The following CACNA1E variants were observed in gnomAD, a reference collection of about 807,000 sequenced individuals.
CACNA1E encodes calcium voltage-gated channel subunit alpha1 E.
CACNA1E carries 40 observed loss-of-function variants against 259.2 expected under a neutral mutation model. The ratio of observed to expected loss-of-function variants is 0.15; its 90% CI spans 0.12 to 0.20. The LOEUF is 0.20. Ranked by LOEUF, CACNA1E falls within the 10% of genes least tolerant of loss-of-function variation. The pLI is 1.00. For missense variants in CACNA1E, 1,874 were observed against 3,040.1 expected, an observed-to-expected ratio of 0.62 and a Z score of 9.02; for synonymous variants, 1,104 against 1,138.5, an observed-to-expected ratio of 0.97 and a Z score of 0.61.
At chr1:181,444,479 T>C (rs1220250785) in intron 2 of CACNA1E, among the ~76,000 whole-genome samples, 1 of 151,916 alleles carries the variant, frequency 6.6e-6, no homozygotes. Context: ...TTACAGGACT[T>C]GGTGATTATC....
At chr1:181,408,859 C>G (rs1333713672) in intron 1 of CACNA1E, among the ~76,000 whole-genome samples, 1 of 152,182 alleles carries the variant, frequency 6.6e-6, no homozygotes, top group Non-Finnish European at 1.5e-5. Context: ...AATTTCGAAG[C>G]AGGCCCTCTT....
intron 37 of CACNA1E, among the ~76,000 whole-genome samples, chr1:181,775,696 C>T (rs746540616): frequency 4.6e-5 from 7 of 152,136 alleles, no homozygotes; most frequent in East Asian, 1.9e-4. Context: ...TGTTTCATGA[C>T]GTGGAATTAC....
upstream of CACNA1E, among the ~76,000 whole-genome samples, chr1:181,478,639 C>CGG (rs1558035192): frequency 1.3e-5 from 2 of 151,978 alleles, no homozygotes; most frequent in African/African-American, 2.4e-5. Context: ...GTGTAACTGG[C>CGG]AGGGTGGGGG....
Position 181,724,964 on chromosome 1 carries a change from A to G in CACNA1E, c.2142+427A>G, listed in dbSNP as rs550887541. ...TCAGGGCCATCACAGTTCCTGGGCT[A>G]TGGCTGTTGGGATATTCCAGTAGGC... On this transcript the variant is annotated intron_variant, in intron 17 of 47. Coordinates refer to ENST00000367573, the MANE Select transcript of CACNA1E (RefSeq NM_001205293.3). Among the ~76,000 whole-genome samples, 8 of 152,342 alleles carry G rather than the reference A, an allele frequency of 5.3e-5. No individual in the cohort carries two copies. In the South Asian group the frequency reaches 1.7e-3, roughly 32 times the overall value.
intron 1 of CACNA1E, among the ~76,000 whole-genome samples, chr1:181,327,739 T>A (rs1650906704): frequency 6.6e-6 from 1 of 152,202 alleles, no homozygotes; most frequent in Non-Finnish European, 1.5e-5. Context: ...ACCAGCTGAG[T>A]CCCATGGCTT....
chr1:181,593,461 A>G (rs1652856059), intron 6 of CACNA1E, among the ~76,000 whole-genome samples: 1 of 152,360 alleles, frequency 6.6e-6, no homozygotes, highest in South Asian at 2.1e-4. Flanking sequence ...GCACTTTAAT[A>G]GTTCTTGCTA....
At chr1:181,531,804 C>T (rs939571701) in intron 3 of CACNA1E, among the ~76,000 whole-genome samples, 2 of 152,186 alleles carry the variant, frequency 1.3e-5, no homozygotes, top group African/African-American at 2.4e-5. Flanking sequence ...CCTGCAATCC[C>T]AGCACTTTGG....
intron 2 of CACNA1E, among the ~76,000 whole-genome samples, chr1:181,421,260 A>G (rs1658720259): frequency 1.3e-5 from 2 of 152,170 alleles, no homozygotes; most frequent in African/African-American, 4.8e-5. Flanking sequence ...GGGCTTGGGC[A>G]CTTTGTAACC....
At chr1:181,789,829 C>T (rs1661142255) in intron 43 of CACNA1E, among the ~76,000 whole-genome samples, 1 of 152,234 alleles carries the variant, frequency 6.6e-6, no homozygotes, top group African/African-American at 2.4e-5. Flanking sequence ...ATCCTCTTTT[C>T]TCACCACCAT....
intron 6 of CACNA1E, among the ~76,000 whole-genome samples, chr1:181,634,941 G>A (rs909229516): frequency 2.6e-5 from 4 of 152,044 alleles, no homozygotes; most frequent in Non-Finnish European, 4.4e-5. Flanking sequence ...CTCATAAGCC[G>A]ATCATTCTTT....
At chr1:181,448,816 C>T (rs893953245) in intron 2 of CACNA1E, among the ~76,000 whole-genome samples, 7 of 152,198 alleles carry the variant, frequency 4.6e-5, no homozygotes, top group South Asian at 2.1e-4. Flanking sequence ...GCATACCAGT[C>T]GGAAAGCTGG....
intron 6 of CACNA1E, 141 bp from the exon 7 acceptor site, chr1:181,651,197 C>G (rs1558228517): frequency 1.7e-6 from 1 of 593,026 alleles, no homozygotes; most frequent in East Asian, 2.9e-5. Context: ...CACGGTAATA[C>G]CAAATTGGGA....
Position 181,721,860 on chromosome 1 carries a change from A to T in CACNA1E, c.2059A>T (p.Thr687Ser). 6.2e-7 allele frequency: 1 copy of T among 1,609,380 alleles called. No individual in the cohort carries two copies. The highest frequency in any genetic ancestry group is 8.5e-7 in the Non-Finnish European group (1 of 1,175,748). Residue 687 changes from threonine (T) to serine (S), a missense_variant, in exon 16 of 48, where the codon ACC (threonine) becomes TCC (serine). Physicochemically the swap from Thr to Ser is moderately conservative, Grantham distance 58. Transcript: ENST00000367573. ...GTCTGCCATCTACTTCATTGTGCTC[A>T]CCTTGTTTGGCAACTGTATCCTTTT... ...MWSAIYFIVL[T>S]LFGNYTLLNV...
chr1:181,444,821 G>A (rs980573609), intron 2 of CACNA1E, among the ~76,000 whole-genome samples: 4 of 152,066 alleles, frequency 2.6e-5, no homozygotes, highest in Non-Finnish European at 4.4e-5. Flanking sequence ...CCAGCTCACC[G>A]CCATGATGAG....
At chr1:181,654,290 A>G (rs545035914) in intron 7 of CACNA1E, among the ~76,000 whole-genome samples, 108 of 151,470 alleles carry the variant, frequency 7.1e-4, no homozygotes, top group Non-Finnish European at 1.2e-3. Context: ...AAATATAAGA[A>G]TGTAATAAAA....
intron 6 of CACNA1E, among the ~76,000 whole-genome samples, chr1:181,620,022 T>C (rs769723950): frequency 3.9e-5 from 6 of 152,208 alleles, no homozygotes; most frequent in Non-Finnish European, 8.8e-5. Flanking sequence ...AAAAAATACA[T>C]ATATATCTGC....
chr1:181,801,962 T>TTCAG lies in CACNA1E; in HGVS notation c.*3129_*3130insCAGT, dbSNP rs1558414417. 1 of 152,024 alleles carries TTCAG rather than the reference T, an allele frequency of 6.6e-6. No homozygotes were observed. The highest frequency in any genetic ancestry group is 1.5e-5 in the Non-Finnish European group (1 of 67,966). 9.4% of individuals were successfully genotyped at this position (152,024 alleles called of 1,614,324 possible). On this transcript the variant is annotated 3_prime_UTR_variant, in exon 48 of 48. Transcript: ENST00000367573. ...GGGAGATGTTCTAAGTAGGTTTGCA[T>TTCAG]TTAGTTACCCCTCATTTCACTTAAG...
intron 3 of CACNA1E, among the ~76,000 whole-genome samples, chr1:181,550,428 G>A (rs1445559108): frequency 6.6e-6 from 1 of 152,176 alleles, no homozygotes; most frequent in Non-Finnish European, 1.5e-5. Context: ...TGAAACCATA[G>A]ACATGGGTCA....
intron 27 of CACNA1E, among the ~76,000 whole-genome samples, chr1:181,754,597 A>G (rs1657922102): frequency 6.6e-6 from 1 of 152,210 alleles, no homozygotes; most frequent in Non-Finnish European, 1.5e-5. Flanking sequence ...GCCATCTCTA[A>G]GAGAAGGTGT....
Sources: gnomAD v4.1 joint callset for allele counts (sites outside exome capture counted in the v4.1 genomes callset) on GRCh38, gnomAD v4.1.1 for gene constraint, MANE v1.5 for transcripts, NCBI Gene and HGNC (gene_info 2026-07-23, HGNC 2026-07-21) for gene names.